The following COG1 variants were observed in gnomAD, a reference collection of about 807,000 sequenced individuals.
The protein encoded by COG1 is conserved oligomeric Golgi complex subunit 1.
In COG1, 61 loss-of-function variants were observed where a neutral mutation model predicts 102.2. The observed-to-expected ratio is 0.60, with a 90% CI of 0.49 to 0.74. COG1 has a LOEUF of 0.74. COG1 is among the 30% of genes least tolerant of loss of function. COG1 has a pLI of 0.00. For missense variants in COG1, 1,164 were observed against 1,232.1 expected, an observed-to-expected ratio of 0.94 and a Z score of 0.83; for synonymous variants, 454 against 493.6, an observed-to-expected ratio of 0.92 and a Z score of 1.06.
In COG1 at chr17:73,197,259, T is replaced by C. The variant is rs750736176; in HGVS notation, c.776T>C (p.Val259Ala). The C allele has an allele frequency of 4.3e-6, 7 of 1,614,222 alleles. No homozygotes were observed. The Admixed American group carries it at 8.3e-5, about 19-fold the overall frequency. ...ATCAAGGCTCAGATTTGCTCATTAG[T>C]GGAGTTGCTGGCCACCACTCTGAAG... ...AGIKAQICSLVELLATTLKQA... is the reference protein window; with the variant it reads ...AGIKAQICSLAELLATTLKQA... The change falls in exon 4 of 14, where the codon GTG (valine) becomes GCG (alanine). Residue 259 changes from valine (V) to alanine (A), a missense_variant. Val to Ala is a moderately conservative substitution (Grantham distance 64, BLOSUM62 0). Transcript: ENST00000299886.
rs146066919 is a variant in COG1 at position 73,196,592 on chromosome 17, C to T, written c.401C>T (p.Ser134Leu). 2.9e-4 allele frequency: 465 copies of T among 1,614,186 alleles called. 2 individuals are homozygous for T. The African/African-American group carries it at 3.5e-3, about 12-fold the overall frequency. ...LLEIPEKIWS[S>L]MEASQCLHAT... ...GAAATTCCGGAGAAGATCTGGAGCT[C>T]GATGGAAGCCTCTCAGTGTCTCCAC... The change falls in exon 2 of 14, where the codon TCG becomes TTG. Residue 134 changes from serine (S) to leucine (L), a missense_variant. Transcript: ENST00000299886.
chr17:73,207,662 A>G, intron 13 of COG1: 1 of 1,295,220 alleles, frequency 7.7e-7, no homozygotes, highest in Non-Finnish European at 1.0e-6. Context: ...TGTTTCCCCA[A>G]AAGTTTGACA....
rs1283131292 is a variant in COG1, at chr17:73,201,791, TG to T, written c.1965del (p.Thr657LeufsTer23). 1 of 1,613,920 alleles carries T rather than the reference TG, an allele frequency of 6.2e-7. No individual in the cohort carries two copies. Among genetic ancestry groups the T allele is most frequent in the African/African-American group, 1.3e-5 (1 of 74,944 alleles). On this transcript the variant is annotated frameshift_variant, in exon 7 of 14. Transcript: ENST00000299886. LOFTEE classifies it high-confidence loss of function. The stretch of plus-strand genomic sequence containing the variant: ...AGGGCTCTGAGAAAACAGGGAAAGG[TG>T]AAAACTCAGGAAATCATTCCTACAC... ...EFRALRKQGKVKTQEIIPTQA... is the reference protein window; with the variant it reads ...EFRALRKQGKXKTQEIIPTQA...
At chr17:73,206,284 C>T (rs778049413) in intron 11 of COG1, 22 bp downstream of exon 11, 1 of 1,581,366 alleles carries the variant, frequency 6.3e-7, no homozygotes, top group Non-Finnish European at 8.7e-7. Flanking sequence ...CAAAAACATG[C>T]TTAGTGCGAA....
intron 9 of COG1, 46 bp from the exon 10 acceptor site, chr17:73,205,507 C>T (rs368954332): frequency 1.7e-4 from 276 of 1,611,070 alleles, no homozygotes; most frequent in Non-Finnish European, 2.2e-4. Context: ...CGCTCACATA[C>T]CAAGTCCTCT....
chr17:73,199,742 T>G, intron 4 of COG1, 123 bp from the exon 5 acceptor site: 6 of 1,129,606 alleles, frequency 5.3e-6, no homozygotes, highest in Non-Finnish European at 7.9e-6. Flanking sequence ...GCCTGGCAAA[T>G]TGTTTCTTTT....
chr17:73,196,637 T>C lies in COG1; in HGVS notation c.446T>C (p.Leu149Pro). 6.2e-7 allele frequency: 1 copy of C among 1,614,210 alleles called. No individual in the cohort carries two copies. The highest frequency in any genetic ancestry group is 8.5e-7 in the Non-Finnish European group (1 of 1,180,032). Residue 149 changes from leucine to proline, a missense_variant, in exon 2 of 14, where the codon CTC becomes CCC. Transcript: ENST00000299886. The part of the protein sequence containing the change: ...QCLHATQLYL[L>P]CCHLHSLLQL... Reference sequence around the variant, plus strand: ...CTCCACGCCACACAGCTCTACCTGCTCTGCTGCCACCTCCACAGCCTGCTC... The same window carrying C: ...CTCCACGCCACACAGCTCTACCTGCCCTGCTGCCACCTCCACAGCCTGCTC...
At chr17:73,204,052 T>C (rs922359060) in intron 9 of COG1, among the ~76,000 whole-genome samples, 3 of 152,008 alleles carry the variant, frequency 2.0e-5, no homozygotes, top group African/African-American at 7.2e-5. Context: ...ACCCAGAACT[T>C]TGGGAGGCTG....
chr17:73,207,167 C>A lies in COG1; in HGVS notation c.2730-14C>A. ...CCTGTTTGTGCTACTAAATTCTTTCCTCTTGTTTTGGAGGTTTGGACTTCT... is the reference window on the plus strand; with the variant it reads ...CCTGTTTGTGCTACTAAATTCTTTCATCTTGTTTTGGAGGTTTGGACTTCT... On this transcript the variant is annotated splice_polypyrimidine_tract_variant and intron_variant, in intron 12 of 13. Transcript: ENST00000299886. 1 of 1,608,886 alleles carries A rather than the reference C, an allele frequency of 6.2e-7. No individual in the cohort carries two copies. Among genetic ancestry groups the A allele is most frequent in the Non-Finnish European group, 8.5e-7 (1 of 1,177,594 alleles).
At chr17:73,206,887 C>G in intron 12 of COG1, 70 bp downstream of exon 12, 1 of 1,076,764 alleles carries the variant, frequency 9.3e-7, no homozygotes, top group Non-Finnish European at 1.4e-6. Flanking sequence ...GTCAGGAGAT[C>G]GAGACCATCC....
chr17:73,197,461 C>A, intron 4 of COG1, 65 bp downstream of exon 4: 1 of 1,551,332 alleles, frequency 6.4e-7, no homozygotes, highest in Non-Finnish European at 8.8e-7. Flanking sequence ...CAGCGTCTAC[C>A]GTGTGCCAGC....
chr17:73,198,447 G>A (rs2061333889), intron 4 of COG1, among the ~76,000 whole-genome samples: 1 of 152,178 alleles, frequency 6.6e-6, no homozygotes, highest in Non-Finnish European at 1.5e-5. Context: ...TTTGCTGTGT[G>A]TGGTGGCATG....
chr17:73,205,850 AAATGC>A, intron 10 of COG1, 170 bp downstream of exon 10: 1 of 855,994 alleles, frequency 1.2e-6, no homozygotes, highest in Non-Finnish European at 1.9e-6. Flanking sequence ...CCTGCTGGAT[AAATGC>A]AATGGTCAAG....
In COG1 at chr17:73,196,769, A is replaced by C. The variant is rs753732304; in HGVS notation, c.560+18A>C. The stretch of plus-strand genomic sequence containing the variant: ...CACTTCCGGTAAGTGGATCCAGCGC[A>C]AAGAGCTGCTCTGGTGGTGGCCAGG... On this transcript the variant is annotated intron_variant, in intron 2 of 13. Transcript: ENST00000299886. The C allele has an allele frequency of 9.3e-6, 15 of 1,614,114 alleles. No homozygotes were observed. Among genetic ancestry groups the C allele is most frequent in the Non-Finnish European group, 1.3e-5 (15 of 1,180,022 alleles).
chr17:73,205,389 CA>C (rs1222266572), intron 9 of COG1, 163 bp from the exon 10 acceptor site: 1 of 749,580 alleles, frequency 1.3e-6, no homozygotes, highest in Non-Finnish European at 2.3e-6. Context: ...AAGTTTCTAA[CA>C]AAATTTGTTT....
Position 73,200,696 on chromosome 17 carries a change from G to A in COG1, c.1201G>A (p.Val401Met), listed in dbSNP as rs2061343337. Residue 401 changes from valine to methionine, a missense_variant, in exon 6 of 14, where the codon GTG (valine) becomes ATG (methionine). Physicochemically the swap from Val to Met is conservative, Grantham distance 21. Transcript: ENST00000299886. ...TGAGTCCACCAATCACAGCTGGGAT[G>A]TGCTATGTCGGCGGCTTCTGGAGAA... The part of the protein sequence containing the change: ...TNESTNHSWD[V>M]LCRRLLEKPL... 2 of 1,614,226 alleles carry A rather than the reference G, an allele frequency of 1.2e-6. No individual in the cohort carries two copies. Among genetic ancestry groups the A allele is most frequent in the African/African-American group, 2.7e-5 (2 of 75,058 alleles).
rs763355798 is a variant in COG1, at chr17:73,208,386, G to A, written c.2878G>A (p.Glu960Lys). The A allele has an allele frequency of 8.1e-6, 13 of 1,614,160 alleles. No individual in the cohort carries two copies. The South Asian group carries it at 1.2e-4, about 15-fold the overall frequency. ...PGSLFRQLVS[E>K]EDNTSAPSLF... Reference sequence around the variant, plus strand: ...CTCCTTGTTCAGACAGCTTGTCAGTGAAGAAGACAACACGTCTGCACCTTC... The same window carrying A: ...CTCCTTGTTCAGACAGCTTGTCAGTAAAGAAGACAACACGTCTGCACCTTC... Residue 960 changes from glutamate (E) to lysine (K), a missense_variant, in exon 14 of 14, where the codon GAA becomes AAA. Coordinates refer to ENST00000299886, the MANE Select transcript of COG1 (RefSeq NM_018714.3).
intron 1 of COG1, among the ~76,000 whole-genome samples, chr17:73,194,768 TTA>T (rs1221236725): frequency 3.3e-5 from 5 of 152,186 alleles, no homozygotes; most frequent in African/African-American, 1.2e-4. Flanking sequence ...GCACGGCCCC[TTA>T]AAGAATATAG....
chr17:73,195,403 A>T (rs1367952297), intron 1 of COG1, among the ~76,000 whole-genome samples: 1 of 152,226 alleles, frequency 6.6e-6, no homozygotes, highest in South Asian at 2.1e-4. Context: ...GCTTGATCAC[A>T]GGAGTTTGAA....
Sources: allele counts gnomAD v4.1 joint callset (sites outside exome capture counted in the v4.1 genomes callset), GRCh38; gene constraint gnomAD v4.1.1; transcripts MANE v1.5; gene names NCBI Gene and HGNC (gene_info 2026-07-23, HGNC 2026-07-21).